Variants in MIGA2 observed in about 807,000 individuals in gnomAD.
MIGA2 encodes the protein family with sequence similarity 73, member B.
In MIGA2, 36 loss-of-function variants were observed where a neutral mutation model predicts 69.9. The ratio of observed to expected loss-of-function variants is 0.52; its 90% CI spans 0.39 to 0.68. The LOEUF (loss-of-function observed/expected upper bound fraction) is 0.68, where lower values mean the gene tolerates loss of function less well. MIGA2 is among the 30% of genes least tolerant of loss of function. The pLI, the probability that MIGA2 is intolerant of heterozygous loss-of-function variation, is 0.00. For synonymous variants in MIGA2, 333 were observed against 349.2 expected (o/e 0.95, Z 0.52); for missense variants, 660 against 787.7 (o/e 0.84, Z 1.94).
chr9:129,068,406 T>A lies in MIGA2; in HGVS notation c.1404+74T>A. The A allele has an allele frequency of 6.3e-7, 1 of 1,577,586 alleles. No homozygotes were observed. The highest frequency in any genetic ancestry group is 2.3e-5 in the East Asian group (1 of 44,140). ...TGTGGTTGCCTGGCTCCGTCCCCTC[T>A]GTCCCTAGCACTGGCACCAGGGCTG... On this transcript the variant is annotated intron_variant, in intron 13 of 15. Transcript: ENST00000684074. This position sits in a 1 kb window ranked among gnomAD's most constrained non-coding sequence, Gnocchi z 4.1.
In MIGA2 at chr9:129,048,041, T is replaced by A. The variant is rs200233174; in HGVS notation, c.308-386T>A. Among the ~76,000 whole-genome samples, 3 of 152,312 alleles carry A rather than the reference T, an allele frequency of 2.0e-5. No individual in the cohort carries two copies. The East Asian group carries it at 5.8e-4, about 29-fold the overall frequency. On this transcript the variant is annotated intron_variant, in intron 3 of 15. Coordinates refer to ENST00000684074, the MANE Select transcript of MIGA2 (RefSeq NM_001329990.2). ...CCACCGTGCCCGGCCTTTTGTATAT[T>A]TTTAAAAGTTGTCGTCTCACATCTC...
rs759280143 is a variant in MIGA2 at position 129,042,309 on chromosome 9, A to G, written c.102A>G (p.Ala34=). Residue 34 remains alanine, a synonymous_variant, in exon 3 of 16, where the codon GCA becomes GCG. Transcript: ENST00000684074. ...GCGTCTCCTCTTCCCTGCAGTCTGC[A>G]TTCTCCCAGCTACGGTTGACGCCAG... is the stretch of plus-strand genomic sequence containing the variant. ...VFLYTTFGQS[A]FSQLRLTPGL... 1.1e-5 allele frequency: 18 copies of G among 1,612,144 alleles called. No individual in the cohort carries two copies. In the East Asian group the frequency reaches 3.8e-4, roughly 34 times the overall value.
At chr9:129,048,394 C>T (rs367822591) in intron 3 of MIGA2, 33 bp from the exon 4 acceptor site, 49 of 1,565,360 alleles carry the variant, frequency 3.1e-5, no homozygotes, top group Non-Finnish European at 4.2e-5. Context: ...ACAGGGGATG[C>T]CTGTGTGACG....
chr9:129,070,532 T>C lies in MIGA2; in HGVS notation c.*79T>C. On this transcript the variant is annotated 3_prime_UTR_variant, in exon 16 of 16. Coordinates refer to ENST00000684074, the MANE Select transcript of MIGA2 (RefSeq NM_001329990.2). ...GTTGGTATCTGACAGCTGTGGTGGC[T>C]GAGGGCCGTTGCCCCTGACTTTGCC... 5.7e-6 allele frequency: 8 copies of C among 1,407,590 alleles called. No individual in the cohort carries two copies. Among genetic ancestry groups the C allele is most frequent in the Non-Finnish European group, 7.5e-6 (8 of 1,068,860 alleles). The allele number at this position is 1,407,590 out of a possible 1,614,324, so 87.2% of individuals were successfully genotyped here.
At chr9:129,042,635 C>G (rs1406468457) in intron 3 of MIGA2, 121 bp downstream of exon 3, 3 of 1,019,602 alleles carry the variant, frequency 2.9e-6, no homozygotes, top group Non-Finnish European at 4.3e-6. Context: ...GAGCCAAGGT[C>G]TCCTGATCTG....
chr9:129,050,967 G>A (rs1845498413), intron 6 of MIGA2, among the ~76,000 whole-genome samples: 1 of 151,708 alleles, frequency 6.6e-6, no homozygotes, highest in South Asian at 2.1e-4. Context: ...TCCGCCTCCC[G>A]GGTTTAAGCG....
intron 6 of MIGA2, among the ~76,000 whole-genome samples, chr9:129,050,486 G>A (rs908055285): frequency 1.3e-5 from 2 of 151,916 alleles, no homozygotes; most frequent in Non-Finnish European, 2.9e-5. Context: ...TGTTGGCCAG[G>A]CTGGTCTTGA....
intron 11 of MIGA2, among the ~76,000 whole-genome samples, chr9:129,065,775 C>T (rs1303317144): frequency 1.3e-5 from 2 of 152,180 alleles, no homozygotes; most frequent in Non-Finnish European, 1.5e-5. Context: ...CTCTCCCTTC[C>T]TTGGTCACTT....
At chr9:129,049,336 C>T (rs1320435608) in intron 4 of MIGA2, 45 bp from the exon 5 acceptor site, 1 of 1,587,416 alleles carries the variant, frequency 6.3e-7, no homozygotes, top group South Asian at 1.1e-5. Flanking sequence ...CTGCAGAGAG[C>T]CCGGGAAAGC....
intron 6 of MIGA2, among the ~76,000 whole-genome samples, chr9:129,053,624 C>G (rs998320171): frequency 6.6e-6 from 1 of 152,154 alleles, no homozygotes; most frequent in African/African-American, 2.4e-5. Flanking sequence ...GCCTCGGCCT[C>G]GCAACGTGCT....
rs749592844 is a variant in MIGA2 at position 129,061,262 on chromosome 9, C to T, written c.926C>T (p.Pro309Leu). The T allele has an allele frequency of 6.2e-6, 10 of 1,611,240 alleles. No homozygotes were observed. Among genetic ancestry groups the T allele is most frequent in the African/African-American group, 2.7e-5 (2 of 74,870 alleles). Residue 309 changes from proline to leucine, a missense_variant, in exon 9 of 16, where the codon CCG (proline) becomes CTG (leucine). This residue lies in a region of MIGA2 where 386 missense variants were observed against 402.0 expected (regional missense o/e 0.96). Coordinates refer to ENST00000684074, the MANE Select transcript of MIGA2 (RefSeq NM_001329990.2). The surrounding 1 kb of genome is among the most constrained non-coding windows in gnomAD (Gnocchi z 5.0). ...GAGTCCCTGCAGACTGGAGATTACC[C>T]GATCCCACTCTCCAGACCCGCCGCT... Reference protein sequence around the residue: ...LFESLQTGDYPIPLSRPAAAY... With the variant: ...LFESLQTGDYLIPLSRPAAAY...
Position 129,063,286 on chromosome 9 carries a change from C to T in MIGA2, c.1053C>T (p.Ala351=). Reference sequence around the variant, plus strand: ...GCTACAGTGACCAGGACTTTCTGGCCAAGCTGCACTGTGTGCGGCAGGCCT... The same window carrying T: ...GCTACAGTGACCAGGACTTTCTGGCTAAGCTGCACTGTGTGCGGCAGGCCT... The part of the protein sequence containing the change: ...LGCYSDQDFL[A]KLHCVRQAFE... Residue 351 remains alanine (A), a synonymous_variant, in exon 10 of 16, where the codon GCC becomes GCT. Coordinates refer to ENST00000684074, the MANE Select transcript of MIGA2 (RefSeq NM_001329990.2). 1 of 1,614,092 alleles carries T rather than the reference C, an allele frequency of 6.2e-7. No homozygotes were observed. The highest frequency in any genetic ancestry group is 8.5e-7 in the Non-Finnish European group (1 of 1,180,004).
chr9:129,069,477 C>T lies in MIGA2; in HGVS notation c.1458+348C>T. 2 of 512,284 alleles carry T rather than the reference C, an allele frequency of 3.9e-6. No homozygotes were observed. The highest frequency in any genetic ancestry group is 2.2e-5 in the South Asian group (1 of 46,066). 31.7% of individuals were successfully genotyped at this position (512,284 alleles called of 1,614,324 possible). A position where few individuals can be genotyped will look rare whatever the true frequency, so the allele number is the denominator to read the frequency against. On this transcript the variant is annotated intron_variant, in intron 14 of 15. Coordinates refer to ENST00000684074, the MANE Select transcript of MIGA2 (RefSeq NM_001329990.2). The surrounding 1 kb of genome is among the most constrained non-coding windows in gnomAD (Gnocchi z 4.9). ...TGTCCCTCCTGCCCTTTCCCCGCCCCAGTCAGGCCCCTGTAATCTCCGCTC... is the reference window on the plus strand; with the variant it reads ...TGTCCCTCCTGCCCTTTCCCCGCCCTAGTCAGGCCCCTGTAATCTCCGCTC...
chr9:129,067,458 A>G, intron 11 of MIGA2: 1 of 336,188 alleles, frequency 3.0e-6, no homozygotes, highest in Non-Finnish European at 5.5e-6. Context: ...GGTCACGGAG[A>G]TTTGAACCTT....
intron 3 of MIGA2, among the ~76,000 whole-genome samples, chr9:129,046,325 C>T (rs1032805222): frequency 2.6e-5 from 4 of 152,146 alleles, no homozygotes; most frequent in African/African-American, 9.7e-5. Flanking sequence ...CCCTTCCCTA[C>T]TTTTCTCACT....
intron 2 of MIGA2, 97 bp from the exon 3 acceptor site, chr9:129,042,207 C>G: frequency 1.7e-6 from 2 of 1,199,092 alleles, no homozygotes; most frequent in Non-Finnish European, 2.4e-6. Context: ...GCCGGAGAGC[C>G]GGTGTGTGTC....
In MIGA2 at chr9:129,060,420, A is replaced by G; in HGVS notation, c.794-130A>G. ...GCGCTTGGCACGTCAGAGCTTTGCC[A>G]TTGAGTGTGGGAATCACAGGCTCGG... On this transcript the variant is annotated intron_variant, in intron 7 of 15. Coordinates refer to ENST00000684074, the MANE Select transcript of MIGA2 (RefSeq NM_001329990.2). This position sits in a 1 kb window ranked among gnomAD's most constrained non-coding sequence, Gnocchi z 4.8. The G allele has an allele frequency of 4.1e-6, 3 of 725,562 alleles. No individual in the cohort carries two copies. The highest frequency in any genetic ancestry group is 4.5e-6 in the Non-Finnish European group (2 of 440,394). The allele number at this position is 725,562 out of a possible 1,614,324, so 44.9% of individuals were successfully genotyped here. A position where few individuals can be genotyped will look rare whatever the true frequency, so the allele number is the denominator to read the frequency against.
At chr9:129,058,484 T>TTTTC (rs1358028776) in intron 6 of MIGA2, among the ~76,000 whole-genome samples, 7 of 150,310 alleles carry the variant, frequency 4.7e-5, no homozygotes, top group East Asian at 2.0e-4. Context: ...AAGTCCACAA[T>TTTTC]TTTCTTTCTT....
rs1845426219 is a variant in MIGA2, at chr9:129,049,888, G to C, written c.600G>C (p.Arg200=). 1 of 1,613,942 alleles carries C rather than the reference G, an allele frequency of 6.2e-7. No individual in the cohort carries two copies. The highest frequency in any genetic ancestry group is 8.5e-7 in the Non-Finnish European group (1 of 1,180,018). Residue 200 remains arginine (R), a synonymous_variant, in exon 6 of 16, where the codon CGG becomes CGC. Transcript: ENST00000684074. ...KWEQALSVGQ[R]GDSGSTPMPR... is the part of the protein sequence containing the mutation. ...AGCAGGCACTAAGCGTGGGCCAGCG[G>C]GGGGACAGCGGCAGCACCCCCATGC... is the stretch of plus-strand genomic sequence containing the variant.
Sources: gnomAD v4.1 joint callset for allele counts (sites outside exome capture counted in the v4.1 genomes callset) on GRCh38, gnomAD v4.1.1 for gene constraint, gnomAD v4.1.1 regional missense constraint, Gnocchi (gnomAD v3.1) non-coding constraint, MANE v1.5 for transcripts, NCBI Gene and HGNC (gene_info 2026-07-23, HGNC 2026-07-21) for gene names.